Variants in HS3ST5 observed in about 807,000 individuals in gnomAD.
The protein encoded by HS3ST5 is heparan sulfate glucosamine 3-O-sulfotransferase 5.
Under a neutral mutation model 25.4 loss-of-function variants are expected in HS3ST5, and 10 were observed. The observed-to-expected ratio is 0.39, with a 90% CI of 0.24 to 0.67. The LOEUF (loss-of-function observed/expected upper bound fraction) is 0.67, where lower values mean the gene tolerates loss of function less well. Among genes scored for constraint, HS3ST5 ranks in the 30% least tolerant of loss-of-function variants. HS3ST5 has a pLI of 0.44. For missense variants in HS3ST5, 324 were observed against 420.7 expected, an observed-to-expected ratio of 0.77 and a Z score of 2.01; for synonymous variants, 170 against 162.4, an observed-to-expected ratio of 1.05 and a Z score of -0.36.
chr6:114,196,625 A>C (rs1012500539), intron 2 of HS3ST5, among the ~76,000 whole-genome samples: 3 of 151,748 alleles, frequency 2.0e-5, no homozygotes, highest in African/African-American at 7.3e-5. Flanking sequence ...GCATCATTGT[A>C]AGCACCTCTT....
intron 1 of HS3ST5, among the ~76,000 whole-genome samples, chr6:114,242,085 T>A (rs1293355523): frequency 2.0e-5 from 3 of 152,212 alleles, no homozygotes; most frequent in Non-Finnish European, 4.4e-5. Context: ...GTCTATAATT[T>A]CACTAATACA....
At chr6:114,150,194 TG>T (rs1310049007) in intron 3 of HS3ST5, among the ~76,000 whole-genome samples, 1 of 152,256 alleles carries the variant, frequency 6.6e-6, no homozygotes, top group Admixed American at 6.5e-5. Flanking sequence ...ATACAATTAA[TG>T]GCTTTGGATG....
chr6:114,178,697 T>C (rs961513226), intron 2 of HS3ST5: 1 of 152,168 alleles, frequency 6.6e-6, no homozygotes, highest in Non-Finnish European at 1.5e-5. Context: ...AAGCAAAACA[T>C]TGCACGACAA....
intron 3 of HS3ST5, among the ~76,000 whole-genome samples, chr6:114,082,331 A>G (rs17075863): frequency 0.032 from 4,811 of 152,280 alleles, 107 homozygotes; most frequent in African/African-American, 0.064. Flanking sequence ...AAAAGAGTTA[A>G]GTTACTAAAA....
intron 1 of HS3ST5, among the ~76,000 whole-genome samples, chr6:114,259,353 C>T (rs1374388684): frequency 6.6e-6 from 1 of 152,102 alleles, no homozygotes; most frequent in Non-Finnish European, 1.5e-5. Flanking sequence ...AAATTAAATT[C>T]TTTTAATACT....
chr6:114,309,486 G>A (rs538540666), intron 1 of HS3ST5, among the ~76,000 whole-genome samples: 1 of 152,296 alleles, frequency 6.6e-6, no homozygotes. Context: ...GCCAAGGCAG[G>A]CAGAGCACTT....
rs865808381 is a variant in HS3ST5 at position 114,077,029 on chromosome 6, G to A, written c.-32-14152C>T. Among the ~76,000 whole-genome samples, 4 of 152,314 alleles carry A rather than the reference G, an allele frequency of 2.6e-5. No individual in the cohort carries two copies. The East Asian group carries it at 5.8e-4, about 22-fold the overall frequency. Reference sequence around the variant, plus strand: ...TGGAATACTGCTTATCTTCCCTGGAGTTATGGTGAGAATAGCTTTGAGCAA... The same window carrying A: ...TGGAATACTGCTTATCTTCCCTGGAATTATGGTGAGAATAGCTTTGAGCAA... On this transcript the variant is annotated intron_variant, in intron 3 of 4. Transcript: ENST00000312719.
At chr6:114,223,834 T>G (rs1782154073) in intron 2 of HS3ST5, among the ~76,000 whole-genome samples, 1 of 151,764 alleles carries the variant, frequency 6.6e-6, no homozygotes, top group African/African-American at 2.4e-5. Context: ...TGAAAATAAA[T>G]TTCAATATAA....
chr6:114,239,491 A>C (rs1772004557), intron 1 of HS3ST5, among the ~76,000 whole-genome samples: 1 of 152,202 alleles, frequency 6.6e-6, no homozygotes, highest in African/African-American at 2.4e-5. Context: ...TGTATGAGGT[A>C]AACAATAAGC....
chr6:114,311,047 T>G (rs954284552), intron 1 of HS3ST5, among the ~76,000 whole-genome samples: 2 of 152,178 alleles, frequency 1.3e-5, no homozygotes, highest in East Asian at 3.8e-4. Flanking sequence ...TTTTATTCAT[T>G]GAAACAAACA....
At chr6:114,299,579 T>C (rs1270398498) in intron 1 of HS3ST5, among the ~76,000 whole-genome samples, 2 of 152,086 alleles carry the variant, frequency 1.3e-5, no homozygotes, top group Non-Finnish European at 2.9e-5. Flanking sequence ...AGCTTCGAAA[T>C]TTCTCTCTTT....
chr6:114,107,409 A>G (rs1203247576), intron 3 of HS3ST5, among the ~76,000 whole-genome samples: 1 of 152,164 alleles, frequency 6.6e-6, no homozygotes, highest in Admixed American at 6.5e-5. Context: ...AGAGATCATC[A>G]CCAAAAAACC....
intron 2 of HS3ST5, among the ~76,000 whole-genome samples, chr6:114,179,455 C>G (rs1779862550): frequency 6.6e-6 from 1 of 151,856 alleles, no homozygotes; most frequent in South Asian, 2.1e-4. Flanking sequence ...CATAAAGTAC[C>G]CAAGTTACAA....
At chr6:114,311,795 G>A (rs936725968) in intron 1 of HS3ST5, among the ~76,000 whole-genome samples, 7 of 151,742 alleles carry the variant, frequency 4.6e-5, no homozygotes, top group South Asian at 2.1e-4. Context: ...TGCCTGCCTC[G>A]GCCTCCCAAA....
rs9488371 is a variant in HS3ST5, at chr6:114,329,860, A to T, written c.-339+12335T>A. ...TGGCAGCTACTCTTCTGAATACAGT[A>T]CATTATTTAAATAGAATTAGTAATT... On this transcript the variant is annotated intron_variant, in intron 1 of 4. Transcript: ENST00000312719. Among the ~76,000 whole-genome samples, 298 of 152,334 alleles carry T rather than the reference A, an allele frequency of 2.0e-3. 1 individual carries two copies. The highest frequency in any genetic ancestry group is 6.8e-3 in the African/African-American group (282 of 41,588).
At chr6:114,279,541 A>C (rs1774011349) in intron 1 of HS3ST5, among the ~76,000 whole-genome samples, 1 of 152,046 alleles carries the variant, frequency 6.6e-6, no homozygotes, top group South Asian at 2.1e-4. Context: ...GATCTAAATG[A>C]TAAAAATGCC....
chr6:114,274,303 G>C (rs1449326130), intron 1 of HS3ST5, among the ~76,000 whole-genome samples: 1 of 152,036 alleles, frequency 6.6e-6, no homozygotes, highest in African/African-American at 2.4e-5. Flanking sequence ...TGAGAAGAGA[G>C]GCTGATGACG....
chr6:114,320,227 G>A (rs1295279162), intron 1 of HS3ST5, among the ~76,000 whole-genome samples: 1 of 152,060 alleles, frequency 6.6e-6, no homozygotes, highest in Non-Finnish European at 1.5e-5. Flanking sequence ...TGAGACTCAG[G>A]TCGAATTAGT....
chr6:114,295,128 C>T (rs1286192313), intron 1 of HS3ST5, among the ~76,000 whole-genome samples: 1 of 152,126 alleles, frequency 6.6e-6, no homozygotes. Context: ...TGTGTGCCTA[C>T]ATTTTCTCAT....
Sources: gnomAD v4.1 joint callset for allele counts (sites outside exome capture counted in the v4.1 genomes callset) on GRCh38, gnomAD v4.1.1 for gene constraint, MANE v1.5 for transcripts, NCBI Gene and HGNC (gene_info 2026-07-23, HGNC 2026-07-21) for gene names.